The following PTPRG variants were observed in gnomAD, a reference collection of about 807,000 sequenced individuals.
PTPRG encodes receptor-type tyrosine-protein phosphatase gamma.
A neutral mutation model predicts 165.3 loss-of-function variants in PTPRG; 102 were observed. The observed-to-expected ratio is 0.62, with a 90% CI of 0.53 to 0.73. The LOEUF is 0.73. Ranked by LOEUF, PTPRG falls within the 30% of genes least tolerant of loss-of-function variation. The pLI, the probability that PTPRG is intolerant of heterozygous loss-of-function variation, is 0.00. For missense variants in PTPRG, 1,866 were observed against 1,861.4 expected, an observed-to-expected ratio of 1.00 and a Z score of -0.05; for synonymous variants, 675 against 669.5, an observed-to-expected ratio of 1.01 and a Z score of -0.13.
chr3:61,768,684 T>C (rs1320547175), intron 2 of PTPRG, among the ~76,000 whole-genome samples: 1 of 152,220 alleles, frequency 6.6e-6, no homozygotes, highest in East Asian at 1.9e-4. Flanking sequence ...AATAGTCCAC[T>C]CTTAATAGAA....
At chr3:61,689,174 G>A (rs1158627895) in intron 1 of PTPRG, among the ~76,000 whole-genome samples, 1 of 152,158 alleles carries the variant, frequency 6.6e-6, no homozygotes, top group Non-Finnish European at 1.5e-5. Context: ...ATTCATATTT[G>A]AAGCTGCTTA....
intron 1 of PTPRG, among the ~76,000 whole-genome samples, chr3:61,582,314 G>A (rs7643514): frequency 0.73 from 111,124 of 152,098 alleles, 41,969 homozygotes; most frequent in African/African-American, 0.91. Context: ...GGAATGCTGA[G>A]TATATCATAT....
At position 62,069,260 on chromosome 3, in the gene PTPRG, AT is replaced by A. The variant is rs201581038; in HGVS notation, c.520-8900del. On this transcript the variant is annotated intron_variant, in intron 4 of 29. Transcript: ENST00000474889. ...CCCTTGAGGTGTGAGTATTACCTCT[AT>A]TTCACAGAAGGGGACACTGGGCCTT... Among the ~76,000 whole-genome samples, 1,035 of 152,342 alleles carry A rather than the reference AT, an allele frequency of 6.8e-3. 10 individuals carry two copies. The highest frequency in any genetic ancestry group is 0.014 in the Middle Eastern group (4 of 294).
At chr3:61,782,676 G>A (rs72878496) in intron 2 of PTPRG, among the ~76,000 whole-genome samples, 10 of 152,334 alleles carry the variant, frequency 6.6e-5, no homozygotes, top group African/African-American at 2.4e-4. Flanking sequence ...AACTGAAGAC[G>A]AATGTTTAAC....
intron 9 of PTPRG, among the ~76,000 whole-genome samples, chr3:62,193,335 G>T (rs1047291533): frequency 2.2e-4 from 34 of 152,216 alleles, no homozygotes; most frequent in Admixed American, 2.1e-3. Context: ...GAGGTTTAGA[G>T]AATGAAGCAT....
intron 1 of PTPRG, among the ~76,000 whole-genome samples, chr3:61,576,307 C>T (rs954106317): frequency 6.6e-5 from 10 of 152,182 alleles, no homozygotes; most frequent in African/African-American, 9.7e-5. Context: ...ATTCTCATTG[C>T]TGAAATTATC....
At chr3:61,924,790 G>GT (rs2039165985) in intron 2 of PTPRG, among the ~76,000 whole-genome samples, 1 of 152,320 alleles carries the variant, frequency 6.6e-6, no homozygotes, top group East Asian at 1.9e-4. Context: ...TGTCATTGTA[G>GT]TAAAAAAGCA....
chr3:62,054,084 A>T (rs1444688566), intron 4 of PTPRG, among the ~76,000 whole-genome samples: 4 of 152,262 alleles, frequency 2.6e-5, no homozygotes, highest in African/African-American at 7.2e-5. Flanking sequence ...CTGCACATCT[A>T]TGAGCGTACT....
At chr3:62,265,926 C>CACACACACA (rs879614619) in intron 17 of PTPRG, among the ~76,000 whole-genome samples, 3 of 150,246 alleles carry the variant, frequency 2.0e-5, no homozygotes, top group South Asian at 2.1e-4. Context: ...CACACACACA[C>CACACACACA]CATTCTCTCC....
chr3:61,749,173 C>A, intron 2 of PTPRG, 191 bp downstream of exon 2: 1 of 685,734 alleles, frequency 1.5e-6, no homozygotes. Context: ...TCTCTACCAC[C>A]TGTTTCCTCA....
At chr3:61,933,339 C>T (rs1284610025) in intron 2 of PTPRG, among the ~76,000 whole-genome samples, 1 of 152,062 alleles carries the variant, frequency 6.6e-6, no homozygotes, top group Non-Finnish European at 1.5e-5. Context: ...CTTTTTTGCT[C>T]TCAACTATTA....
At chr3:61,687,941 C>T (rs1703691094) in intron 1 of PTPRG, among the ~76,000 whole-genome samples, 2 of 152,190 alleles carry the variant, frequency 1.3e-5, no homozygotes, top group Admixed American at 1.3e-4. Flanking sequence ...GTTTGGGAAG[C>T]TCAGACATGT....
intron 1 of PTPRG, among the ~76,000 whole-genome samples, chr3:61,745,789 G>C (rs2033174941): frequency 6.6e-6 from 1 of 152,124 alleles, no homozygotes; most frequent in African/African-American, 2.4e-5. Context: ...AGTAGCCCAG[G>C]GTTAAGAGAG....
intron 3 of PTPRG, among the ~76,000 whole-genome samples, chr3:61,995,990 T>C (rs1575865005): frequency 6.6e-6 from 1 of 152,142 alleles, no homozygotes; most frequent in East Asian, 1.9e-4. Flanking sequence ...CGCTGGGGCA[T>C]GTCTCTGTCT....
intron 4 of PTPRG, among the ~76,000 whole-genome samples, chr3:62,022,967 AT>A (rs1489532099): frequency 6.6e-6 from 1 of 152,008 alleles, no homozygotes; most frequent in Non-Finnish European, 1.5e-5. Flanking sequence ...CAATTGTCTT[AT>A]TGCGTGTTTA....
rs761513890 is a variant in PTPRG, at chr3:61,718,200, A to AAAAAAC, written c.86-30671_86-30666dup. ...GTCTAAAACAAAACAAAACAAAACA[A>AAAAAAC]AAAAACAAAAACCAAAAAAAAAAAA... On this transcript the variant is annotated intron_variant, in intron 1 of 29. Transcript: ENST00000474889. 4.5e-3 allele frequency among the ~76,000 whole-genome samples: 658 copies of AAAAAAC among 145,464 alleles called. 6 individuals are homozygous for AAAAAAC. Among genetic ancestry groups the AAAAAAC allele is most frequent in the Middle Eastern group, 0.021 (6 of 290 alleles).
At chr3:62,035,672 G>C (rs2107791598) in intron 4 of PTPRG, among the ~76,000 whole-genome samples, 1 of 152,236 alleles carries the variant, frequency 6.6e-6, no homozygotes, top group Non-Finnish European at 1.5e-5. Context: ...TAATGCTTTG[G>C]CTTTCAGCAT....
chr3:61,723,318 T>C (rs1208713593), intron 1 of PTPRG, among the ~76,000 whole-genome samples: 1 of 152,166 alleles, frequency 6.6e-6, no homozygotes, highest in Non-Finnish European at 1.5e-5. Context: ...GGCCTGATGA[T>C]CTGTTGAGAT....
chr3:62,195,226 C>A lies in PTPRG; in HGVS notation c.1327+56C>A. ...GTGCCCCTGAGACTCCCTCCCAATG[C>A]TTTCTGCTTCTTCCTGCTCAGGTGC... On this transcript the variant is annotated intron_variant, in intron 10 of 29. Coordinates refer to ENST00000474889, the MANE Select transcript of PTPRG (RefSeq NM_002841.4). The surrounding 1 kb of genome is among the most constrained non-coding windows in gnomAD (Gnocchi z 4.4). 1 of 1,418,618 alleles carries A rather than the reference C, an allele frequency of 7.0e-7. No individual in the cohort carries two copies. Among genetic ancestry groups the A allele is most frequent in the Non-Finnish European group, 1.0e-6 (1 of 1,002,622 alleles). The allele number at this position is 1,418,618 out of a possible 1,614,324, so 87.9% of individuals were successfully genotyped here.
Sources: allele counts gnomAD v4.1 joint callset (sites outside exome capture counted in the v4.1 genomes callset), GRCh38; gene constraint gnomAD v4.1.1; non-coding constraint Gnocchi (gnomAD v3.1); transcripts MANE v1.5; gene names NCBI Gene and HGNC (gene_info 2026-07-23, HGNC 2026-07-21).